NFIA: variants seen among roughly 807,000 people sequenced by gnomAD.
NFIA encodes nuclear factor I A.
Under a neutral mutation model 62.8 loss-of-function variants are expected in NFIA, and 8 were observed. The observed-to-expected ratio is 0.13, with a 90% CI of 0.07 to 0.23. The LOEUF (loss-of-function observed/expected upper bound fraction) is 0.23. Ranked by LOEUF, NFIA falls within the 10% of genes least tolerant of loss-of-function variation. The pLI is 1.00. For synonymous variants in NFIA, 235 were observed against 238.1 expected (o/e 0.99, Z 0.12); for missense variants, 410 against 642.1 (o/e 0.64, Z 3.91).
intron 2 of NFIA, among the ~76,000 whole-genome samples, chr1:61,217,051 T>C (rs1365075209): frequency 6.7e-6 from 1 of 148,992 alleles, no homozygotes; most frequent in Non-Finnish European, 1.5e-5. Context: ...AAACTTTTTT[T>C]TTTCTTTTTT....
At chr1:61,082,179 C>G, upstream of NFIA, 2 of 349,620 alleles carry the variant, frequency 5.7e-6, no homozygotes, top group African/African-American at 2.8e-5. Flanking sequence ...CTGCGTTACC[C>G]AGTAATGCGC....
chr1:61,362,348 G>C (rs963605041), intron 6 of NFIA, among the ~76,000 whole-genome samples: 23 of 152,156 alleles, frequency 1.5e-4, no homozygotes, highest in African/African-American at 5.6e-4. Context: ...GCCTACATTT[G>C]GGATAATTCT....
intron 2 of NFIA, among the ~76,000 whole-genome samples, chr1:61,197,486 C>T (rs1652111097): frequency 1.3e-5 from 2 of 151,382 alleles, no homozygotes; most frequent in Admixed American, 6.6e-5. Context: ...ATCCACTTAC[C>T]TCTGCCTCCC....
intron 4 of NFIA, among the ~76,000 whole-genome samples, chr1:61,333,104 T>C (rs1661398278): frequency 6.6e-6 from 1 of 150,638 alleles, no homozygotes; most frequent in African/African-American, 2.4e-5. Context: ...CACAGTTGCC[T>C]TCCCTTAGGA....
intron 2 of NFIA, among the ~76,000 whole-genome samples, chr1:61,259,013 G>T (rs562908006): frequency 6.6e-6 from 1 of 152,198 alleles, no homozygotes. Context: ...AAGCCACCAT[G>T]CCTGGCCAGG....
At chr1:61,228,690 T>TAA (rs35682507) in intron 2 of NFIA, among the ~76,000 whole-genome samples, 15 of 151,884 alleles carry the variant, frequency 9.9e-5, no homozygotes, top group African/African-American at 2.9e-4. Context: ...CTGTATTTTT[T>TAA]AAAAAAAATG....
At chr1:61,448,444 C>T (rs1235220242) in intron 10 of NFIA, among the ~76,000 whole-genome samples, 1 of 152,152 alleles carries the variant, frequency 6.6e-6, no homozygotes, top group East Asian at 1.9e-4. Context: ...GACGTTGGGT[C>T]TCACGTGGAC....
intron 3 of NFIA, among the ~76,000 whole-genome samples, chr1:61,284,712 T>C (rs945989140): frequency 1.3e-5 from 2 of 152,238 alleles, no homozygotes; most frequent in Non-Finnish European, 2.9e-5. Context: ...GGAAATGTTT[T>C]AGATCCTATT....
At chr1:61,288,312 G>A (rs549287889) in intron 3 of NFIA, among the ~76,000 whole-genome samples, 16 of 152,058 alleles carry the variant, frequency 1.1e-4, no homozygotes, top group African/African-American at 3.9e-4. Context: ...AATAGAAGGG[G>A]CCATATTTTT....
At chr1:61,133,575 T>C (rs1647121552) in intron 2 of NFIA, among the ~76,000 whole-genome samples, 1 of 152,208 alleles carries the variant, frequency 6.6e-6, no homozygotes, top group Non-Finnish European at 1.5e-5. Context: ...ATTGACAGCA[T>C]TGCCTAGTGG....
chr1:61,405,093 A>G (rs1665751534), intron 8 of NFIA, among the ~76,000 whole-genome samples: 4 of 152,218 alleles, frequency 2.6e-5, no homozygotes, highest in Admixed American at 2.0e-4. Flanking sequence ...CAGACTAGCC[A>G]TAATTATTAC....
chr1:61,388,379 A>G (rs1391236242), intron 7 of NFIA, among the ~76,000 whole-genome samples: 1 of 152,174 alleles, frequency 6.6e-6, no homozygotes, highest in Non-Finnish European at 1.5e-5. Context: ...GAAAAAAGAA[A>G]TCTTTCTTCA....
intron 2 of NFIA, among the ~76,000 whole-genome samples, chr1:61,233,066 T>G (rs1403046782): frequency 6.6e-6 from 1 of 152,326 alleles, no homozygotes; most frequent in African/African-American, 2.4e-5. Flanking sequence ...GTCTCTGGAC[T>G]CTGGAGCACT....
intron 2 of NFIA, among the ~76,000 whole-genome samples, chr1:61,201,174 A>T (rs1652460743): frequency 1.3e-5 from 2 of 152,174 alleles, no homozygotes; most frequent in Admixed American, 1.3e-4. Flanking sequence ...ACATACCCTG[A>T]TAGCGTAAAG....
intron 3 of NFIA, among the ~76,000 whole-genome samples, chr1:61,277,878 C>T (rs1413611710): frequency 6.6e-6 from 1 of 152,004 alleles, no homozygotes; most frequent in East Asian, 1.9e-4. Context: ...GTTAATTTAC[C>T]AAATCAGATT....
chr1:61,449,588 A>G (rs763420705), intron 10 of NFIA, among the ~76,000 whole-genome samples: 1 of 152,234 alleles, frequency 6.6e-6, no homozygotes, highest in Non-Finnish European at 1.5e-5. Flanking sequence ...CAGGCCTGGC[A>G]GGGAGAAAGC....
intron 2 of NFIA, among the ~76,000 whole-genome samples, chr1:61,244,527 G>T (rs1655529732): frequency 6.6e-6 from 1 of 152,170 alleles, no homozygotes; most frequent in African/African-American, 2.4e-5. Flanking sequence ...TGTATACCTT[G>T]AATGTATATG....
At chr1:61,246,142 T>C (rs1371179466) in intron 2 of NFIA, among the ~76,000 whole-genome samples, 2 of 152,210 alleles carry the variant, frequency 1.3e-5, no homozygotes, top group African/African-American at 2.4e-5. Context: ...TTCGAAGATA[T>C]GAATCATAAG....
In NFIA at chr1:61,383,694, A is replaced by ATG. The variant is rs142509081; in HGVS notation, c.1075+342_1075+343dup. On this transcript the variant is annotated intron_variant, in intron 7 of 10. Transcript: ENST00000403491. Reference sequence around the variant, plus strand: ...TGTGTGTGTGAGAGAGAGAGACAGAATGTGTGTGTGTGTGCGCACATGCGC... The same window carrying ATG: ...TGTGTGTGTGAGAGAGAGAGACAGAATGTGTGTGTGTGTGTGCGCACATGCGC... Among the ~76,000 whole-genome samples, 603 of 152,134 alleles carry ATG rather than the reference A, an allele frequency of 4.0e-3. 8 individuals carry two copies. The East Asian group carries it at 0.043, about 11-fold the overall frequency.
Sources: gnomAD v4.1 joint callset for allele counts (sites outside exome capture counted in the v4.1 genomes callset) on GRCh38, gnomAD v4.1.1 for gene constraint, MANE v1.5 for transcripts, NCBI Gene and HGNC (gene_info 2026-07-23, HGNC 2026-07-21) for gene names.